The following LAMA4 variants were observed in gnomAD, a reference collection of about 807,000 sequenced individuals.
The protein encoded by LAMA4 is laminin subunit alpha-4.
Under a neutral mutation model 207.1 loss-of-function variants are expected in LAMA4, and 127 were observed. The observed-to-expected ratio is 0.61, with a 90% CI of 0.53 to 0.71. The LOEUF is 0.71. LAMA4 is among the 30% of genes least tolerant of loss of function. LAMA4 has a pLI of 0.00. For synonymous variants in LAMA4, 761 were observed against 816.0 expected, an observed-to-expected ratio of 0.93 and a Z score of 1.15; for missense variants, 2,093 against 2,246.5, an observed-to-expected ratio of 0.93 and a Z score of 1.38.
At chr6:112,254,336 CCTCT>C in intron 1 of LAMA4, 45 bp from the exon 2 acceptor site, 1 of 634,410 alleles carries the variant, frequency 1.6e-6, no homozygotes, top group Non-Finnish European at 2.7e-6. Flanking sequence ...AGAGTTCCAG[CCTCT>C]CTCTCCCTCT....
intron 2 of LAMA4, among the ~76,000 whole-genome samples, chr6:112,225,789 A>T (rs1469680904): frequency 2.6e-5 from 4 of 152,232 alleles, no homozygotes; most frequent in African/African-American, 9.6e-5. Flanking sequence ...ATCAAAACTC[A>T]ACAGTAACCA....
intron 28 of LAMA4, among the ~76,000 whole-genome samples, chr6:112,132,512 A>AC (rs1554330090): frequency 6.6e-6 from 1 of 151,890 alleles, no homozygotes; most frequent in African/African-American, 2.4e-5. Context: ...AAGTCCACAG[A>AC]CCCCCCTGAA....
intron 12 of LAMA4, among the ~76,000 whole-genome samples, chr6:112,169,884 T>G (rs1781612451): frequency 1.3e-5 from 2 of 152,248 alleles, no homozygotes; most frequent in Admixed American, 1.3e-4. Context: ...CTCTTGCTTG[T>G]TACATTTACA....
intron 19 of LAMA4, among the ~76,000 whole-genome samples, chr6:112,143,536 G>A (rs1450631594): frequency 6.6e-6 from 1 of 152,114 alleles, no homozygotes; most frequent in Admixed American, 6.5e-5. Flanking sequence ...TGCCCACCTT[G>A]GCCTCCCAAA....
Position 112,132,754 on chromosome 6 carries a change from C to A in LAMA4, c.3833G>T (p.Gly1278Val), listed in dbSNP as rs145667904. ...PNGLLFYYAS[G>V]SDVFSISLDN... ...CCTCAGAGAAAAACAAACACTTACC[C>A]CTGAAGCATAATAGAATAGTAACCC... Residue 1278 changes from glycine to valine, a missense_variant and splice_region_variant, in exon 28 of 39, where the codon GGG becomes GTG. Gly to Val is a moderately radical substitution (Grantham distance 109, BLOSUM62 -3). Around this residue, in one of 3 missense-constraint regions of LAMA4, gnomAD observed 1,704 missense variants for 1,788.4 expected, o/e 0.95. Coordinates refer to ENST00000230538, the MANE Select transcript of LAMA4 (RefSeq NM_001105206.3). The A allele has an allele frequency of 9.3e-6, 15 of 1,612,432 alleles. No homozygotes were observed. The highest frequency in any genetic ancestry group is 3.3e-5 in the Admixed American group (2 of 59,914).
intron 23 of LAMA4, among the ~76,000 whole-genome samples, chr6:112,139,532 C>T (rs1779557190): frequency 1.3e-5 from 2 of 152,174 alleles, no homozygotes; most frequent in Non-Finnish European, 2.9e-5. Flanking sequence ...CTCTGGAATC[C>T]TTAATCAAGG....
intron 12 of LAMA4, among the ~76,000 whole-genome samples, chr6:112,167,108 T>C (rs1781424610): frequency 6.6e-6 from 1 of 152,264 alleles, no homozygotes. Context: ...TTGCTAGTTG[T>C]ATGGCTACTG....
At chr6:112,128,878 G>A (rs950792803) in intron 31 of LAMA4, 44 bp downstream of exon 31, 18 of 1,569,362 alleles carry the variant, frequency 1.1e-5, no homozygotes, top group African/African-American at 1.1e-4. Context: ...TGTGTGCATG[G>A]AAAATGATGA....
chr6:112,208,072 C>G (rs1266882283), intron 3 of LAMA4, among the ~76,000 whole-genome samples: 1 of 152,206 alleles, frequency 6.6e-6, no homozygotes, highest in Non-Finnish European at 1.5e-5. Flanking sequence ...TGGGACTATA[C>G]TAGTGGTACA....
intron 20 of LAMA4, 122 bp from the exon 21 acceptor site, chr6:112,141,625 T>G (rs1779699775): frequency 1.3e-6 from 1 of 780,978 alleles, no homozygotes; most frequent in East Asian, 2.7e-5. Flanking sequence ...TGGCCTGAAT[T>G]ATTATCCGAA....
chr6:112,150,242 C>T (rs906111836), intron 17 of LAMA4, among the ~76,000 whole-genome samples: 10 of 151,580 alleles, frequency 6.6e-5, no homozygotes, highest in Non-Finnish European at 8.8e-5. Context: ...CACAGACACA[C>T]ACAGACACAC....
intron 2 of LAMA4, among the ~76,000 whole-genome samples, chr6:112,217,222 C>A (rs965938395): frequency 6.6e-6 from 1 of 152,110 alleles, no homozygotes; most frequent in Non-Finnish European, 1.5e-5. Context: ...GCTGCCCTCC[C>A]CAGATATCAT....
At chr6:112,123,259 C>T (rs1184197894) in intron 31 of LAMA4, among the ~76,000 whole-genome samples, 1 of 152,060 alleles carries the variant, frequency 6.6e-6, no homozygotes, top group Non-Finnish European at 1.5e-5. Context: ...GGATTAGATA[C>T]AAAAATTCAG....
At chr6:112,179,586 AG>A (rs1554344818) in intron 9 of LAMA4, 1 of 157,028 alleles carries the variant, frequency 6.4e-6, no homozygotes. Flanking sequence ...TCCTGAGGAT[AG>A]GGAAGTGGTT....
intron 2 of LAMA4, among the ~76,000 whole-genome samples, chr6:112,244,154 A>T (rs1554188221): frequency 6.6e-6 from 1 of 152,240 alleles, no homozygotes; most frequent in African/African-American, 2.4e-5. Flanking sequence ...GACTGGTTTC[A>T]CAAGGTAACA....
intron 6 of LAMA4, among the ~76,000 whole-genome samples, chr6:112,190,946 TC>T (rs372096374): frequency 0.22 from 8,035 of 36,784 alleles, 343 homozygotes; most frequent in African/African-American, 0.26. Flanking sequence ...TTTCTTTCTT[TC>T]CTTTCTTTCT....
At position 112,132,865 on chromosome 6, in the gene LAMA4, C is replaced by T. The variant is rs781877185; in HGVS notation, c.3722G>A (p.Gly1241Glu). ...SLISRRAYFN[G>E]QSFIASIQKI... Reference sequence around the variant, plus strand: ...CTGAATTGAAGCAATGAAGCTCTGTCCATTGAAATATGCTCTGCGAGATAT... The same window carrying T: ...CTGAATTGAAGCAATGAAGCTCTGTTCATTGAAATATGCTCTGCGAGATAT... Residue 1241 changes from glycine (G) to glutamate (E), a missense_variant, in exon 28 of 39, where the codon GGA (glycine) becomes GAA (glutamate). Around this residue, in one of 3 missense-constraint regions of LAMA4, gnomAD observed 1,704 missense variants for 1,788.4 expected, o/e 0.95. Transcript: ENST00000230538. The T allele has an allele frequency of 1.1e-5, 17 of 1,612,936 alleles. 2 individuals carry two copies. In the South Asian group the frequency reaches 1.8e-4, roughly 17 times the overall value.
intron 17 of LAMA4, among the ~76,000 whole-genome samples, chr6:112,150,174 C>T (rs1194853547): frequency 6.7e-6 from 1 of 150,290 alleles, no homozygotes; most frequent in Admixed American, 6.7e-5. Context: ...CATTACCAAA[C>T]ACTATAAACA....
intron 8 of LAMA4, among the ~76,000 whole-genome samples, chr6:112,185,704 A>G (rs1057349977): frequency 6.6e-6 from 1 of 152,244 alleles, no homozygotes; most frequent in Non-Finnish European, 1.5e-5. Flanking sequence ...GTCTGGAAGA[A>G]CTGACCAACC....
Sources: allele counts gnomAD v4.1 joint callset (sites outside exome capture counted in the v4.1 genomes callset), GRCh38; gene constraint gnomAD v4.1.1; regional missense constraint gnomAD v4.1.1; transcripts MANE v1.5; gene names NCBI Gene and HGNC (gene_info 2026-07-23, HGNC 2026-07-21).